Variants in TMEM200A observed in about 807,000 individuals in gnomAD.
TMEM200A encodes the protein transmembrane protein 200A.
TMEM200A carries 12 observed loss-of-function variants against 24.3 expected under a neutral mutation model. The ratio of observed to expected loss-of-function variants is 0.49; its 90% CI spans 0.32 to 0.80. TMEM200A has a LOEUF of 0.80. TMEM200A is among the 30% of genes least tolerant of loss of function. The probability of loss-of-function intolerance (pLI) is 0.04; values close to 1 mark genes in which losing one functional copy is unlikely to be tolerated. For synonymous variants in TMEM200A, 224 were observed against 224.4 expected (o/e 1.00, Z 0.02); for missense variants, 545 against 614.4 (o/e 0.89, Z 1.19).
chr6:130,385,509 T>C (rs975051538), intron 2 of TMEM200A, among the ~76,000 whole-genome samples: 1 of 152,200 alleles, frequency 6.6e-6, no homozygotes. Context: ...AATAATTGTA[T>C]AGGTCATTTT....
intron 2 of TMEM200A, among the ~76,000 whole-genome samples, chr6:130,416,315 TTCTCTC>T (rs369329752): frequency 6.7e-6 from 1 of 149,766 alleles, no homozygotes; most frequent in Non-Finnish European, 1.5e-5. Context: ...TAGGATGGAT[TTCTCTC>T]TCTCTGTCTC....
intron 2 of TMEM200A, among the ~76,000 whole-genome samples, chr6:130,408,336 T>G (rs1779253830): frequency 6.6e-6 from 1 of 152,110 alleles, no homozygotes; most frequent in Non-Finnish European, 1.5e-5. Context: ...CCAGAGAAAG[T>G]CTATGATAAA....
intron 2 of TMEM200A, among the ~76,000 whole-genome samples, chr6:130,394,540 T>C (rs1313908348): frequency 1.3e-5 from 2 of 152,196 alleles, no homozygotes; most frequent in African/African-American, 4.8e-5. Flanking sequence ...GGGATTCCTC[T>C]TACTTCCAAT....
chr6:130,420,959 C>CA, intron 2 of TMEM200A: 1 of 152,282 alleles, frequency 6.6e-6, no homozygotes, highest in East Asian at 1.9e-4. Flanking sequence ...ACTGCTGCCT[C>CA]AAGTCATGTT....
At chr6:130,434,576 G>A (rs1779955672) in intron 2 of TMEM200A, among the ~76,000 whole-genome samples, 1 of 152,132 alleles carries the variant, frequency 6.6e-6, no homozygotes, top group Non-Finnish European at 1.5e-5. Context: ...GCCATAAGAA[G>A]CAAATACCAG....
chr6:130,435,935 G>A (rs1779995381), intron 2 of TMEM200A, among the ~76,000 whole-genome samples: 1 of 152,230 alleles, frequency 6.6e-6, no homozygotes, highest in Non-Finnish European at 1.5e-5. Flanking sequence ...CACCCAAGGT[G>A]AGGCCTTCAA....
Position 130,366,209 on chromosome 6 carries a change from G to C in TMEM200A, c.-396G>C. The C allele has an allele frequency of 1.0e-6, 1 of 985,164 alleles. No individual in the cohort carries two copies. 61.0% of individuals were successfully genotyped at this position (985,164 alleles called of 1,614,324 possible). A position where few individuals can be genotyped will look rare whatever the true frequency, so the allele number is the denominator to read the frequency against. ...GCGGCCCTCTGTGAGCACCGGCAGC[G>C]GCGCATCCCCTGCCCCGAGGCCTCC... is the stretch of plus-strand genomic sequence containing the variant. On this transcript the variant is annotated 5_prime_UTR_variant, in exon 1 of 3. Coordinates refer to ENST00000296978, the MANE Select transcript of TMEM200A (RefSeq NM_001258277.2). The surrounding 1 kb of genome is among the most constrained non-coding windows in gnomAD (Gnocchi z 4.4).
chr6:130,422,349 A>C lies in TMEM200A; in HGVS notation c.-16-18058A>C, dbSNP rs113060882. Among the ~76,000 whole-genome samples the C allele has an allele frequency of 3.0e-4, 45 of 152,258 alleles. 1 individual carries two copies. Among genetic ancestry groups the C allele is most frequent in the African/African-American group, 1.0e-3 (42 of 41,556 alleles). On this transcript the variant is annotated intron_variant, in intron 2 of 2. Coordinates refer to ENST00000296978, the MANE Select transcript of TMEM200A (RefSeq NM_001258277.2). Reference sequence around the variant, plus strand: ...AGTGGTGCGATATCGACTCACTGCAACTTCCGCCTCCGGGGTTCAAGTGAT... The same window carrying C: ...AGTGGTGCGATATCGACTCACTGCACCTTCCGCCTCCGGGGTTCAAGTGAT...
chr6:130,409,350 A>G (rs1282518173), intron 2 of TMEM200A, among the ~76,000 whole-genome samples: 1 of 152,158 alleles, frequency 6.6e-6, no homozygotes, highest in Non-Finnish European at 1.5e-5. Flanking sequence ...CTCCCTTTAT[A>G]TGAAATAAAC....
chr6:130,383,074 T>C, intron 1 of TMEM200A: 3 of 985,274 alleles, frequency 3.0e-6, no homozygotes, highest in Non-Finnish European at 3.6e-6. Context: ...ATGGCCTACA[T>C]CTATTTGCTC....
intron 2 of TMEM200A, among the ~76,000 whole-genome samples, chr6:130,432,908 G>T (rs1779912082): frequency 6.6e-6 from 1 of 152,128 alleles, no homozygotes; most frequent in Non-Finnish European, 1.5e-5. Context: ...TTCAAATGTG[G>T]TTATTAAGTA....
intron 2 of TMEM200A, among the ~76,000 whole-genome samples, chr6:130,428,387 A>G (rs764192517): frequency 2.0e-5 from 3 of 152,084 alleles, no homozygotes; most frequent in East Asian, 3.9e-4. Context: ...TTCTCTTCCT[A>G]TACTTTATCC....
intron 2 of TMEM200A, among the ~76,000 whole-genome samples, chr6:130,423,848 T>C (rs1158835714): frequency 6.6e-6 from 1 of 152,142 alleles, no homozygotes; most frequent in Admixed American, 6.6e-5. Flanking sequence ...AGGTGGTATG[T>C]GTTTGTTTTC....
chr6:130,395,626 A>G (rs540898300), intron 2 of TMEM200A, among the ~76,000 whole-genome samples: 34 of 152,222 alleles, frequency 2.2e-4, no homozygotes, highest in Non-Finnish European at 3.2e-4. Context: ...GATTTAAACA[A>G]ATAAATTGTT....
intron 2 of TMEM200A, among the ~76,000 whole-genome samples, chr6:130,425,959 T>C (rs1779725770): frequency 6.6e-6 from 1 of 152,186 alleles, no homozygotes; most frequent in Admixed American, 6.6e-5. Flanking sequence ...TAATTATTTA[T>C]TTAGAAAGCA....
chr6:130,381,644 C>T (rs1778598394), intron 1 of TMEM200A, among the ~76,000 whole-genome samples: 1 of 152,210 alleles, frequency 6.6e-6, no homozygotes, highest in African/African-American at 2.4e-5. Flanking sequence ...AGTGCGGGCT[C>T]AAAGCTGCCT....
chr6:130,366,515 C>G lies in TMEM200A; in HGVS notation c.-90C>G. The G allele has an allele frequency of 2.0e-6, 2 of 985,882 alleles. No homozygotes were observed. Among genetic ancestry groups the G allele is most frequent in the Non-Finnish European group, 2.4e-6 (2 of 830,340 alleles). 61.1% of individuals were successfully genotyped at this position (985,882 alleles called of 1,614,324 possible). On this transcript the variant is annotated 5_prime_UTR_variant, in exon 1 of 3. Coordinates refer to ENST00000296978, the MANE Select transcript of TMEM200A (RefSeq NM_001258277.2). The surrounding 1 kb of genome is among the most constrained non-coding windows in gnomAD (Gnocchi z 4.4). ...GCGACCCGACCCCCAGGGCCCGGTG[C>G]TCAGGACAGGTGAGGGGAAGGAAAG...
chr6:130,396,533 AAAG>A (rs1409319656), intron 2 of TMEM200A, among the ~76,000 whole-genome samples: 20 of 152,116 alleles, frequency 1.3e-4, no homozygotes, highest in Non-Finnish European at 2.4e-4. Flanking sequence ...GAAAAAATAT[AAAG>A]AAGTAAATAA....
At chr6:130,402,404 A>G (rs1053324841) in intron 2 of TMEM200A, among the ~76,000 whole-genome samples, 4 of 152,076 alleles carry the variant, frequency 2.6e-5, no homozygotes, top group Non-Finnish European at 5.9e-5. Context: ...AACCACAATC[A>G]GTTTATCTAT....
Sources: gnomAD v4.1 joint callset for allele counts (sites outside exome capture counted in the v4.1 genomes callset) on GRCh38, gnomAD v4.1.1 for gene constraint, Gnocchi (gnomAD v3.1) non-coding constraint, MANE v1.5 for transcripts, NCBI Gene and HGNC (gene_info 2026-07-23, HGNC 2026-07-21) for gene names.